Variants in SGCE observed in about 807,000 individuals in gnomAD.
The protein encoded by SGCE is sarcoglycan epsilon, also known as epsilon-sarcoglycan.
SGCE carries 26 observed loss-of-function variants against 57.8 expected under a neutral mutation model. That is an observed-to-expected ratio of 0.45 (90% confidence interval 0.33 to 0.62). The LOEUF is 0.62. Among genes scored for constraint, SGCE ranks in the 20% least tolerant of loss-of-function variants. SGCE has a pLI of 0.02. For synonymous variants in SGCE, 183 were observed against 189.5 expected (o/e 0.97, Z 0.28); for missense variants, 468 against 548.6 (o/e 0.85, Z 1.47).
intron 10 of SGCE, chr7:94,586,588 C>CT (rs1366598952): frequency 1.3e-5 from 2 of 152,470 alleles, no homozygotes; most frequent in African/African-American, 4.8e-5. Context: ...CAACCTCCAC[C>CT]TCCCAGGTTC....
chr7:94,587,702 G>A, intron 10 of SGCE: 2 of 1,532,320 alleles, frequency 1.3e-6, no homozygotes, highest in Non-Finnish European at 1.8e-6. Flanking sequence ...ATTAAAGCAA[G>A]TAATCAAAAT....
intron 5 of SGCE, among the ~76,000 whole-genome samples, chr7:94,615,877 C>T (rs1346407763): frequency 6.6e-6 from 1 of 152,196 alleles, no homozygotes; most frequent in African/African-American, 2.4e-5. Flanking sequence ...TAAATACATC[C>T]ACAAGGCCTT....
intron 3 of SGCE, chr7:94,626,648 TTTC>T (rs1236466458): frequency 6.6e-6 from 1 of 152,002 alleles, no homozygotes; most frequent in African/African-American, 2.4e-5. Context: ...ATGGTTTCCA[TTTC>T]TTCTTTTTAA....
chr7:94,609,259 G>C (rs1800633585), intron 5 of SGCE, among the ~76,000 whole-genome samples: 1 of 152,234 alleles, frequency 6.6e-6, no homozygotes, highest in South Asian at 2.1e-4. Context: ...AGATGCAGTG[G>C]CTCAAGCCTG....
chr7:94,614,231 T>G (rs1801540705), intron 5 of SGCE, among the ~76,000 whole-genome samples: 1 of 152,164 alleles, frequency 6.6e-6, no homozygotes, highest in Non-Finnish European at 1.5e-5. Flanking sequence ...AAGAATTTTT[T>G]CATGTGTTCA....
chr7:94,588,471 T>A, intron 10 of SGCE: 1 of 1,366,396 alleles, frequency 7.3e-7, no homozygotes, highest in South Asian at 1.6e-5. Flanking sequence ...CATGGATGCT[T>A]TTGCTCTAAG....
At chr7:94,588,759 A>G in intron 9 of SGCE, 27 bp from the exon 10 acceptor site, 1 of 1,613,442 alleles carries the variant, frequency 6.2e-7, no homozygotes, top group Non-Finnish European at 8.5e-7. Flanking sequence ...TTTTTGAGTA[A>G]AACTGTTTGT....
Position 94,591,047 on chromosome 7 carries a change from G to A in SGCE, c.1254-2315C>T, listed in dbSNP as rs1001531112. Among the ~76,000 whole-genome samples the A allele has an allele frequency of 3.9e-5, 6 of 151,994 alleles. No homozygotes were observed. The East Asian group carries it at 9.6e-4, about 24-fold the overall frequency. On this transcript the variant is annotated intron_variant, in intron 9 of 10. Coordinates refer to ENST00000648936, the MANE Select transcript of SGCE (RefSeq NM_003919.3). ...AAGTTACTTAATAATTCATCCCGACGATTATATTCGTTTTTATTGTTACTT... is the reference window on the plus strand; with the variant it reads ...AAGTTACTTAATAATTCATCCCGACAATTATATTCGTTTTTATTGTTACTT...
rs59162734 is a variant in SGCE at position 94,604,806 on chromosome 7, AATATAT to A, written c.663-1360_663-1355del. The stretch of plus-strand genomic sequence containing the variant: ...TATTTTTTATAACTAATGGTGCTGG[AATATAT>A]ATATATATATATATATATATATATA... On this transcript the variant is annotated intron_variant, in intron 5 of 10. Coordinates refer to ENST00000648936, the MANE Select transcript of SGCE (RefSeq NM_003919.3). Among the ~76,000 whole-genome samples the A allele has an allele frequency of 7.9e-3, 350 of 44,084 alleles. 3 individuals are homozygous for A. The highest frequency in any genetic ancestry group is 0.017 in the African/African-American group (131 of 7,834). 28.9% of individuals were successfully genotyped at this position (44,084 alleles called of 152,430 possible).
At position 94,628,355 on chromosome 7, in the gene SGCE, C is replaced by A. The variant is rs144527028; in HGVS notation, c.237G>T (p.Glu79Asp). 6.2e-7 allele frequency: 1 copy of A among 1,607,648 alleles called. No homozygotes were observed. The highest frequency in any genetic ancestry group is 2.2e-5 in the East Asian group (1 of 44,794). The change falls in exon 3 of 11, where the codon GAG (glutamate) becomes GAT (aspartate). Residue 79 changes from glutamate (E) to aspartate (D), a missense_variant. Transcript: ENST00000648936. Reference sequence around the variant, plus strand: ...TAAATGTTATGGGATCATTACTAATCTCGCCTAGATAAGAAACAGAGAATT... The same window carrying A: ...TAAATGTTATGGGATCATTACTAATATCGCCTAGATAAGAAACAGAGAATT... ...GEFPPYPKPG[E>D]ISNDPITFNT...
intron 5 of SGCE, chr7:94,618,168 C>T (rs900272356): frequency 6.6e-6 from 1 of 152,560 alleles, no homozygotes; most frequent in Non-Finnish European, 1.5e-5. Context: ...TGCATTATCT[C>T]ACTTAATCAT....
At chr7:94,587,834 A>C in intron 10 of SGCE, 1 of 1,533,346 alleles carries the variant, frequency 6.5e-7, no homozygotes. Flanking sequence ...GAAAGCAGTA[A>C]TAGAGAAGAT....
intron 1 of SGCE, among the ~76,000 whole-genome samples, chr7:94,645,721 A>G (rs1191180211): frequency 1.3e-5 from 2 of 152,160 alleles, no homozygotes; most frequent in South Asian, 2.1e-4. Flanking sequence ...TACCCATATC[A>G]GTGACATACT....
chr7:94,607,606 GA>G (rs200762145), intron 5 of SGCE, among the ~76,000 whole-genome samples: 19 of 149,442 alleles, frequency 1.3e-4, no homozygotes, highest in East Asian at 9.7e-4. Flanking sequence ...GGCAATTTGT[GA>G]AAAAAAAAAT....
rs534807014 is a variant in SGCE at position 94,639,379 on chromosome 7, A to G, written c.110-9538T>C. ...AGCAGCCATTTTTCTGCTGATAATA[A>G]AATTGTTGGCCTGTCTGGTCTTCCA... On this transcript the variant is annotated intron_variant, in intron 1 of 10. Transcript: ENST00000648936. 4 of 1,535,596 alleles carry G rather than the reference A, an allele frequency of 2.6e-6. No homozygotes were observed. The South Asian group carries it at 4.8e-5, about 18-fold the overall frequency.
intron 2 of SGCE, 129 bp downstream of exon 2, chr7:94,629,587 TACA>T: frequency 9.6e-6 from 8 of 832,852 alleles, no homozygotes; most frequent in Non-Finnish European, 1.6e-5. Context: ...AGAAATATCC[TACA>T]ACAATTTATC....
intron 10 of SGCE, chr7:94,587,001 GAA>G: frequency 1.0e-6 from 1 of 983,968 alleles, no homozygotes; most frequent in Non-Finnish European, 1.2e-6. Context: ...AAAAATGTAA[GAA>G]AACAAGAAGG....
chr7:94,651,738 C>T (rs1230535000), intron 1 of SGCE, among the ~76,000 whole-genome samples: 1 of 152,168 alleles, frequency 6.6e-6, no homozygotes, highest in Non-Finnish European at 1.5e-5. Context: ...TTACTTAATA[C>T]TGTCTTTAAT....
rs533128765 is a variant in SGCE, at chr7:94,611,920, A to G, written c.662+6838T>C. ...AATAATGGGCAAAATTAAAGATCAA[A>G]TTAAAAATTCAGAACAAAAGTAGAG... is the stretch of plus-strand genomic sequence containing the variant. On this transcript the variant is annotated intron_variant, in intron 5 of 10. Transcript: ENST00000648936. 1.7e-3 allele frequency among the ~76,000 whole-genome samples: 263 copies of G among 152,328 alleles called. 1 individual carries two copies. Among genetic ancestry groups the G allele is most frequent in the African/African-American group, 5.5e-3 (230 of 41,594 alleles).
Sources: gnomAD v4.1 joint callset for allele counts (sites outside exome capture counted in the v4.1 genomes callset) on GRCh38, gnomAD v4.1.1 for gene constraint, MANE v1.5 for transcripts, NCBI Gene and HGNC (gene_info 2026-07-23, HGNC 2026-07-21) for gene names.